KLF8: variants seen among roughly 807,000 people sequenced by gnomAD.
KLF8 encodes the protein KLF transcription factor 8.
A neutral mutation model predicts 18.2 loss-of-function variants in KLF8; 10 were observed. That is an observed-to-expected ratio of 0.55 (90% CI 0.34 to 0.93). The LOEUF (loss-of-function observed/expected upper bound fraction) is 0.93, where lower values mean the gene tolerates loss of function less well. Among genes scored for constraint, KLF8 ranks in the 40% least tolerant of loss-of-function variants. The pLI is 0.02. For missense variants in KLF8, 264 were observed against 277.9 expected (o/e 0.95, Z 0.36); for synonymous variants, 109 against 97.3 (o/e 1.12, Z -0.71).
At chrX:55,948,003 T>C in the KLF8 span, among the ~76,000 whole-genome samples, 25 of 112,232 alleles carry the variant, frequency 2.2e-4, no homozygotes, top group African/African-American at 8.1e-4. Flanking sequence ...TTACTCAGTA[T>C]ATGGGTGTAT....
chrX:55,963,412 G>A, the KLF8 span, among the ~76,000 whole-genome samples: 40 of 111,412 alleles, frequency 3.6e-4, no homozygotes, highest in Non-Finnish European at 5.3e-4. Context: ...GCAGTACCAG[G>A]AAATAGGATA....
chrX:56,066,371 C>T, the KLF8 span, among the ~76,000 whole-genome samples: 1 of 112,194 alleles, frequency 8.9e-6, no homozygotes, highest in Non-Finnish European at 1.9e-5. Context: ...TGCTCTCAGG[C>T]CCCTCAGTGG....
the KLF8 span, among the ~76,000 whole-genome samples, chrX:55,952,942 T>A: frequency 1.8e-5 from 2 of 111,899 alleles, no homozygotes; most frequent in African/African-American, 6.5e-5. Flanking sequence ...CTGAGGTGCA[T>A]AGAGATTGTG....
At chrX:56,162,896 C>T in the KLF8 span, among the ~76,000 whole-genome samples, 16 of 111,735 alleles carry the variant, frequency 1.4e-4, no homozygotes, top group African/African-American at 2.9e-4. Flanking sequence ...TGTTCCTAAT[C>T]GGCCACCTTG....
the KLF8 span, among the ~76,000 whole-genome samples, chrX:56,211,036 G>A: frequency 9.0e-6 from 1 of 110,955 alleles, no homozygotes; most frequent in Admixed American, 9.6e-5. Context: ...TCCAGGATTG[G>A]CCATTTAGTT....
the KLF8 span, among the ~76,000 whole-genome samples, chrX:56,184,229 C>T: frequency 1.8e-5 from 2 of 111,382 alleles, no homozygotes; most frequent in Non-Finnish European, 3.8e-5. Flanking sequence ...TATCCTGCAC[C>T]TGGCTCAGAG....
the KLF8 span, among the ~76,000 whole-genome samples, chrX:56,140,783 C>T: frequency 5.9e-5 from 5 of 84,546 alleles, no homozygotes; most frequent in Admixed American, 1.3e-4. Flanking sequence ...AAAATGAAAA[C>T]GCTGCCCCTC....
At chrX:56,054,021 T>C in the KLF8 span, among the ~76,000 whole-genome samples, 3 of 111,800 alleles carry the variant, frequency 2.7e-5, no homozygotes, top group South Asian at 1.1e-3. Context: ...ATTTTGGTTA[T>C]TTCTTGTGTT....
chrX:56,212,392 T>A, the KLF8 span, among the ~76,000 whole-genome samples: 2 of 112,171 alleles, frequency 1.8e-5, no homozygotes, highest in African/African-American at 3.2e-5. Context: ...AGGATTCACG[T>A]AAGTGTTGCA....
At chrX:56,026,788 G>A in the KLF8 span, among the ~76,000 whole-genome samples, 2 of 111,786 alleles carry the variant, frequency 1.8e-5, no homozygotes, top group African/African-American at 6.5e-5. Context: ...TTTTCAGTTC[G>A]TGTCGGATAA....
At chrX:56,076,275 T>A in the KLF8 span, among the ~76,000 whole-genome samples, 1 of 96,441 alleles carries the variant, frequency 1.0e-5, no homozygotes, top group Non-Finnish European at 2.1e-5. Context: ...TATCTCCCAA[T>A]GCTATCCCTC....
At chrX:55,925,968 G>C in the KLF8 span, among the ~76,000 whole-genome samples, 1 of 111,496 alleles carries the variant, frequency 9.0e-6, no homozygotes, top group Non-Finnish European at 1.9e-5. Context: ...TGGAAAATTG[G>C]GTATTCATCC....
the KLF8 span, among the ~76,000 whole-genome samples, chrX:56,208,084 G>A: frequency 9.0e-6 from 1 of 110,867 alleles, no homozygotes; most frequent in Non-Finnish European, 1.9e-5. Context: ...GGGGAAACTG[G>A]CCCCATGATT....
the KLF8 span, chrX:56,074,528 A>T: frequency 8.9e-6 from 1 of 112,131 alleles, no homozygotes; most frequent in African/African-American, 3.2e-5. Flanking sequence ...TCTTAGTACC[A>T]TTTATTGAAA....
intron 2 of KLF8, among the ~76,000 whole-genome samples, chrX:56,262,402 C>T (rs780948300): frequency 9.0e-6 from 1 of 111,616 alleles, no homozygotes; most frequent in African/African-American, 3.3e-5. Flanking sequence ...AACACAAGGC[C>T]TTGAGCTAGT....
chrX:56,244,649 C>T (rs2066598176), intron 1 of KLF8, among the ~76,000 whole-genome samples: 2 of 112,164 alleles, frequency 1.8e-5, no homozygotes, highest in African/African-American at 6.5e-5. Flanking sequence ...CTTTTTATCA[C>T]CATTCCATTA....
chrX:56,185,982 C>A, the KLF8 span, among the ~76,000 whole-genome samples: 1 of 111,980 alleles, frequency 8.9e-6, no homozygotes, highest in Non-Finnish European at 1.9e-5. Context: ...AGCAAAAAAA[C>A]CAGCTAACAT....
chrX:56,260,542 A>G (rs1290337021), intron 2 of KLF8, among the ~76,000 whole-genome samples: 4 of 111,601 alleles, frequency 3.6e-5, no homozygotes, highest in Non-Finnish European at 5.6e-5. Flanking sequence ...TACATTTATG[A>G]TCTCATTTTG....
chrX:55,995,852 A>G, the KLF8 span, among the ~76,000 whole-genome samples: 1 of 110,815 alleles, frequency 9.0e-6, no homozygotes, highest in Non-Finnish European at 1.9e-5. Flanking sequence ...GATGACTATG[A>G]GTCTTGATGA....
Sources: gnomAD v4.1 joint callset for allele counts (sites outside exome capture counted in the v4.1 genomes callset) on GRCh38, gnomAD v4.1.1 for gene constraint, MANE v1.5 for transcripts, NCBI Gene and HGNC (gene_info 2026-07-23, HGNC 2026-07-21) for gene names.